The following ROCK1 variants were observed in gnomAD, a reference collection of about 807,000 sequenced individuals.
The protein encoded by ROCK1 is Rho associated coiled-coil containing protein kinase 1, also known as rho-associated protein kinase 1.
Under a neutral mutation model 196.8 loss-of-function variants are expected in ROCK1, and 36 were observed. The ratio of observed to expected loss-of-function variants is 0.18; its 90% CI spans 0.14 to 0.24. ROCK1 has a LOEUF of 0.24. ROCK1 is among the 10% of genes least tolerant of loss of function. ROCK1 has a pLI of 1.00. For missense variants in ROCK1, 920 were observed against 1,562.0 expected (o/e 0.59, Z 6.93); for synonymous variants, 443 against 515.9 (o/e 0.86, Z 1.91).
At chr18:20,980,059 T>G (rs1420434842) in intron 21 of ROCK1, 55 bp from the exon 22 acceptor site, 4 of 1,442,504 alleles carry the variant, frequency 2.8e-6, no homozygotes, top group East Asian at 5.3e-5. Flanking sequence ...AAAAACAATT[T>G]GGCAGTTTCT....
intron 2 of ROCK1, among the ~76,000 whole-genome samples, chr18:21,054,387 G>A (rs1407480470): frequency 6.6e-6 from 1 of 151,984 alleles, no homozygotes; most frequent in Non-Finnish European, 1.5e-5. Flanking sequence ...TGGTGGGTGA[G>A]ATTTGGCCTG....
intron 3 of ROCK1, 111 bp from the exon 4 acceptor site, chr18:21,049,340 A>C: frequency 1.2e-6 from 1 of 810,496 alleles, no homozygotes. Context: ...ATTTAGCCTT[A>C]CTGTTTCAGT....
chr18:21,110,769 G>A (rs1275595407), intron 1 of ROCK1, 49 bp downstream of exon 1: 2 of 1,443,404 alleles, frequency 1.4e-6, no homozygotes, highest in Non-Finnish European at 2.0e-6. Flanking sequence ...CAAGAGGAAG[G>A]AAAGACATGC....
At chr18:21,098,498 G>C (rs962152168) in intron 1 of ROCK1, among the ~76,000 whole-genome samples, 2 of 152,048 alleles carry the variant, frequency 1.3e-5, no homozygotes, top group Non-Finnish European at 2.9e-5. Context: ...ATTCCTTTAT[G>C]ATCTGGACAT....
chr18:21,046,364 A>G (rs1024597523), intron 4 of ROCK1, among the ~76,000 whole-genome samples: 1 of 152,244 alleles, frequency 6.6e-6, no homozygotes, highest in African/African-American at 2.4e-5. Context: ...GCGGTTAGCA[A>G]TTGCTTAATA....
intron 9 of ROCK1, among the ~76,000 whole-genome samples, chr18:21,031,967 A>G (rs1315383030): frequency 6.6e-6 from 1 of 152,232 alleles, no homozygotes; most frequent in Non-Finnish European, 1.5e-5. Flanking sequence ...AAAAGTGAAC[A>G]GAGACTAAGG....
At chr18:21,100,340 C>A (rs1490256523) in intron 1 of ROCK1, among the ~76,000 whole-genome samples, 1 of 150,926 alleles carries the variant, frequency 6.6e-6, no homozygotes, top group Non-Finnish European at 1.5e-5. Context: ...GGAGGAATGG[C>A]TGATTTCCAA....
chr18:20,982,518 C>G (rs1294151146), intron 21 of ROCK1, among the ~76,000 whole-genome samples: 1 of 152,146 alleles, frequency 6.6e-6, no homozygotes, highest in Non-Finnish European at 1.5e-5. Context: ...TCCCAAAGTG[C>G]TGGGATGACA....
intron 29 of ROCK1, among the ~76,000 whole-genome samples, chr18:20,959,506 C>T (rs1250501098): frequency 6.6e-6 from 1 of 151,180 alleles, no homozygotes; most frequent in African/African-American, 2.4e-5. Context: ...GTCACCGCAC[C>T]CGGCCCTCTT....
chr18:21,069,534 A>C (rs2036365937), intron 2 of ROCK1, among the ~76,000 whole-genome samples: 1 of 152,116 alleles, frequency 6.6e-6, no homozygotes, highest in Non-Finnish European at 1.5e-5. Flanking sequence ...AAAGTAGCAC[A>C]GTTTAAGGAA....
intron 25 of ROCK1, 166 bp downstream of exon 25, chr18:20,968,606 T>G: frequency 3.5e-6 from 2 of 568,114 alleles, no homozygotes; most frequent in Non-Finnish European, 6.3e-6. Flanking sequence ...GCGCCTGGCC[T>G]TGAAATTCTA....
chr18:20,952,894 G>T (rs1242832072), intron 32 of ROCK1, among the ~76,000 whole-genome samples: 1 of 152,010 alleles, frequency 6.6e-6, no homozygotes, highest in Non-Finnish European at 1.5e-5. Context: ...AACACCACAG[G>T]TTCTCACTCG....
intron 8 of ROCK1, among the ~76,000 whole-genome samples, chr18:21,041,270 T>TA (rs780115669): frequency 0.023 from 2,385 of 104,974 alleles, 23 homozygotes; most frequent in African/African-American, 0.041. Context: ...TGTCTCTATT[T>TA]AAAAAAAAAA....
At chr18:21,027,484 A>G (rs8099337) in intron 10 of ROCK1, among the ~76,000 whole-genome samples, 1,796 of 152,340 alleles carry the variant, frequency 0.012, 42 homozygotes, top group African/African-American at 0.041. Context: ...TAAAGCTAAC[A>G]TGAACTCATA....
chr18:20,975,378 T>A (rs1216825815), intron 22 of ROCK1, among the ~76,000 whole-genome samples: 2 of 152,182 alleles, frequency 1.3e-5, no homozygotes, highest in Admixed American at 1.3e-4. Flanking sequence ...GGAGAGTGAC[T>A]AATTGGTTTG....
intron 27 of ROCK1, among the ~76,000 whole-genome samples, chr18:20,961,818 CT>C (rs11334095): frequency 0.097 from 11,408 of 117,174 alleles, 414 homozygotes; most frequent in African/African-American, 0.24. Context: ...TTTCTTTTTC[CT>C]TTTTTTTTTT....
At chr18:21,106,664 T>C (rs2036705848) in intron 1 of ROCK1, among the ~76,000 whole-genome samples, 7 of 152,148 alleles carry the variant, frequency 4.6e-5, no homozygotes, top group Admixed American at 3.9e-4. Flanking sequence ...ACATGGACAG[T>C]AAGAAAGACA....
At chr18:20,998,318 A>T (rs1370655441) in intron 16 of ROCK1, among the ~76,000 whole-genome samples, 1 of 152,222 alleles carries the variant, frequency 6.6e-6, no homozygotes, top group East Asian at 1.9e-4. Flanking sequence ...GAAAGCTTAT[A>T]GCTCTGAGCA....
intron 9 of ROCK1, among the ~76,000 whole-genome samples, chr18:21,033,511 C>T (rs1449314039): frequency 6.6e-6 from 1 of 151,784 alleles, no homozygotes; most frequent in Non-Finnish European, 1.5e-5. Context: ...AAATAAAAGG[C>T]ATATAAATTG....
Sources: gnomAD v4.1 joint callset for allele counts (sites outside exome capture counted in the v4.1 genomes callset) on GRCh38, gnomAD v4.1.1 for gene constraint, MANE v1.5 for transcripts, NCBI Gene and HGNC (gene_info 2026-07-23, HGNC 2026-07-21) for gene names.